The following CYFIP2 variants were observed in gnomAD, a reference collection of about 807,000 sequenced individuals.
CYFIP2 encodes the protein cytoplasmic FMR1 interacting protein 2.
In CYFIP2, 29 loss-of-function variants were observed where a neutral mutation model predicts 158.7. That is an observed-to-expected ratio of 0.18 (90% CI 0.14 to 0.25). CYFIP2 has a LOEUF of 0.25. CYFIP2 is among the 10% of genes least tolerant of loss of function. The probability of loss-of-function intolerance (pLI) is 1.00; values close to 1 mark genes in which losing one functional copy is unlikely to be tolerated. For missense variants in CYFIP2, 852 were observed against 1,639.5 expected (o/e 0.52, Z 8.29); for synonymous variants, 585 against 617.6 (o/e 0.95, Z 0.78).
At chr5:157,288,369 G>A (rs1757557758) in intron 3 of CYFIP2, among the ~76,000 whole-genome samples, 1 of 152,168 alleles carries the variant, frequency 6.6e-6, no homozygotes, top group South Asian at 2.1e-4. Context: ...GGAGATTTAA[G>A]TTTCTAACAC....
chr5:157,322,577 C>T (rs1184693293), intron 15 of CYFIP2, among the ~76,000 whole-genome samples: 1 of 152,210 alleles, frequency 6.6e-6, no homozygotes, highest in Non-Finnish European at 1.5e-5. Flanking sequence ...GATGGTGAGA[C>T]AGGCCCTCCA....
chr5:157,307,733 T>G, intron 8 of CYFIP2, 28 bp from the exon 9 acceptor site: 1 of 1,462,966 alleles, frequency 6.8e-7, no homozygotes, highest in Non-Finnish European at 9.5e-7. Flanking sequence ...GTGATTAGTT[T>G]CTATGCTCTG....
At chr5:157,301,726 C>T (rs1314155194) in intron 6 of CYFIP2, among the ~76,000 whole-genome samples, 1 of 152,068 alleles carries the variant, frequency 6.6e-6, no homozygotes, top group African/African-American at 2.4e-5. Context: ...CCCAGGAGTT[C>T]AAGACCAGCC....
At chr5:157,306,053 C>T (rs1391854748) in intron 8 of CYFIP2, among the ~76,000 whole-genome samples, 2 of 152,194 alleles carry the variant, frequency 1.3e-5, no homozygotes, top group Non-Finnish European at 2.9e-5. Flanking sequence ...CATGAACAGC[C>T]TTCTCCCATT....
intron 26 of CYFIP2, among the ~76,000 whole-genome samples, chr5:157,372,039 T>A (rs1031543593): frequency 7.2e-5 from 11 of 152,214 alleles, no homozygotes; most frequent in African/African-American, 2.7e-4. Flanking sequence ...CACAAGCTCC[T>A]GGGAGTTCTC....
intron 13 of CYFIP2, among the ~76,000 whole-genome samples, chr5:157,317,126 G>A (rs1472178890): frequency 6.6e-6 from 1 of 152,040 alleles, no homozygotes; most frequent in Non-Finnish European, 1.5e-5. Context: ...TTCAGAAGAT[G>A]CTCCCGCAAC....
intron 27 of CYFIP2, 124 bp downstream of exon 27, chr5:157,382,786 A>G: frequency 1.0e-6 from 1 of 975,092 alleles, no homozygotes; most frequent in Non-Finnish European, 1.6e-6. Flanking sequence ...CACCTATTGA[A>G]TAGCCACAGA....
At chr5:157,380,917 T>TA (rs1253775872) in intron 26 of CYFIP2, among the ~76,000 whole-genome samples, 1 of 152,080 alleles carries the variant, frequency 6.6e-6, no homozygotes, top group Non-Finnish European at 1.5e-5. Context: ...ACACCTCACT[T>TA]AAGAAAGGAG....
In CYFIP2 at chr5:157,383,596, C is replaced by T. The variant is rs1581196786; in HGVS notation, c.3207+237C>T. On this transcript the variant is annotated intron_variant, in intron 28 of 30. Coordinates refer to ENST00000620254, the MANE Select transcript of CYFIP2 (RefSeq NM_001037333.3). ...ATCATGTATCCTGCCAACAAGTCGT[C>T]TGCTTATTTAAACAAGTATCTACTG... 9.6e-6 allele frequency: 4 copies of T among 418,842 alleles called. No homozygotes were observed. The East Asian group carries it at 1.5e-4, about 16-fold the overall frequency. The allele number at this position is 418,842 out of a possible 1,614,324, so 25.9% of individuals were successfully genotyped here. A position where few individuals can be genotyped will look rare whatever the true frequency, so the allele number is the denominator to read the frequency against.
At chr5:157,299,530 CCTT>C (rs1272312474) in intron 5 of CYFIP2, among the ~76,000 whole-genome samples, 1 of 152,202 alleles carries the variant, frequency 6.6e-6, no homozygotes, top group Non-Finnish European at 1.5e-5. Context: ...CTCAAGCCTT[CCTT>C]CTTTATTTTT....
chr5:157,282,763 A>G (rs530286550), intron 1 of CYFIP2, among the ~76,000 whole-genome samples: 1 of 152,334 alleles, frequency 6.6e-6, no homozygotes, highest in East Asian at 1.9e-4. Context: ...TGCCAACAGC[A>G]TGTGTAGTCA....
At chr5:157,334,965 T>A (rs755348952) in intron 21 of CYFIP2, among the ~76,000 whole-genome samples, 14 of 152,258 alleles carry the variant, frequency 9.2e-5, no homozygotes, top group Admixed American at 2.6e-4. Context: ...GTGGGGAAGC[T>A]GGGTAAAGGA....
At chr5:157,345,966 C>G (rs11738611) in intron 23 of CYFIP2, among the ~76,000 whole-genome samples, 1 of 152,054 alleles carries the variant, frequency 6.6e-6, no homozygotes, top group African/African-American at 2.4e-5. Context: ...TGCAAAGATG[C>G]TTTTCTCAGT....
At chr5:157,298,747 A>G (rs951187708) in intron 5 of CYFIP2, among the ~76,000 whole-genome samples, 4 of 152,208 alleles carry the variant, frequency 2.6e-5, no homozygotes, top group African/African-American at 9.6e-5. Context: ...AGCCCGAGGC[A>G]ACCACTAAGC....
rs770700428 is a variant in CYFIP2 at position 157,319,788 on chromosome 5, G to T, written c.1383G>T (p.Gln461His). 1 of 1,614,094 alleles carries T rather than the reference G, an allele frequency of 6.2e-7. No individual in the cohort carries two copies. The highest frequency in any genetic ancestry group is 8.5e-7 in the Non-Finnish European group (1 of 1,179,940). Residue 461 changes from glutamine (Q) to histidine (H), a missense_variant, in exon 14 of 31, where the codon CAG becomes CAT. Physicochemically the swap from Gln to His is conservative, Grantham distance 24. Coordinates refer to ENST00000620254, the MANE Select transcript of CYFIP2 (RefSeq NM_001037333.3). ...VEVIAMIKGL[Q>H]VLMGRMESVF... The stretch of plus-strand genomic sequence containing the variant: ...TGATCGCCATGATCAAAGGCCTGCA[G>T]GTGCTCATGGGCAGGATGGAGAGCG...
At chr5:157,364,451 C>T (rs987111165) in intron 26 of CYFIP2, 3 of 152,192 alleles carry the variant, frequency 2.0e-5, no homozygotes, top group East Asian at 3.8e-4. Flanking sequence ...GAGACAGACC[C>T]GCTACAGCAT....
Position 157,266,352 on chromosome 5 carries a change from GC to G in CYFIP2, c.-24+161del, listed in dbSNP as rs935031852. 29 of 151,608 alleles carry G rather than the reference GC, an allele frequency of 1.9e-4. No individual in the cohort carries two copies. Among genetic ancestry groups the G allele is most frequent in the Admixed American group, 1.1e-3 (17 of 15,210 alleles). 9.4% of individuals were successfully genotyped at this position (151,608 alleles called of 1,614,324 possible). A position where few individuals can be genotyped will look rare whatever the true frequency, so the allele number is the denominator to read the frequency against. On this transcript the variant is annotated intron_variant, in intron 1 of 30. Coordinates refer to ENST00000620254, the MANE Select transcript of CYFIP2 (RefSeq NM_001037333.3). The surrounding 1 kb of genome is among the most constrained non-coding windows in gnomAD (Gnocchi z 4.2). ...GGGCTAGCCCGAGGCCCGGCCTCAG[GC>G]CCCACGCGGCCCCTTTCCCCCTCGG...
intron 26 of CYFIP2, among the ~76,000 whole-genome samples, chr5:157,369,903 A>AAAAAAAAAAAAAAACTAGGTC (rs1242901081): frequency 5.0e-5 from 3 of 59,898 alleles, no homozygotes; most frequent in East Asian, 4.8e-4. Flanking sequence ...TTTTTTAAAG[A>AAAAAAAAAAAAAAACTAGGTC]CAGAGTCTTG....
At chr5:157,333,566 C>A in intron 21 of CYFIP2, 120 bp downstream of exon 21, 1 of 1,384,414 alleles carries the variant, frequency 7.2e-7, no homozygotes, top group Non-Finnish European at 1.0e-6. Flanking sequence ...GTCTCTTTCC[C>A]ATCTGAATGG....
Sources: gnomAD v4.1 joint callset for allele counts (sites outside exome capture counted in the v4.1 genomes callset) on GRCh38, gnomAD v4.1.1 for gene constraint, Gnocchi (gnomAD v3.1) non-coding constraint, MANE v1.5 for transcripts, NCBI Gene and HGNC (gene_info 2026-07-23, HGNC 2026-07-21) for gene names.